BABAM2: variants seen among roughly 807,000 people sequenced by gnomAD.
BABAM2 encodes the protein BRISC and BRCA1-A complex member 2.
BABAM2 carries 31 observed loss-of-function variants against 54.7 expected under a neutral mutation model. That is an observed-to-expected ratio of 0.57 (90% CI 0.43 to 0.77). The LOEUF is 0.77. Ranked by LOEUF, BABAM2 falls within the 30% of genes least tolerant of loss-of-function variation. The pLI, the probability that BABAM2 is intolerant of heterozygous loss-of-function variation, is 0.00. For missense variants in BABAM2, 364 were observed against 455.8 expected, an observed-to-expected ratio of 0.80 and a Z score of 1.83; for synonymous variants, 167 against 162.9, an observed-to-expected ratio of 1.03 and a Z score of -0.19.
At chr2:28,129,237 G>A (rs1362019494) in intron 6 of BABAM2, 34 bp from the exon 7 acceptor site, 2 of 1,554,468 alleles carry the variant, frequency 1.3e-6, no homozygotes, top group South Asian at 2.2e-5. Flanking sequence ...TAGGAGAACA[G>A]GTGCTGATGT....
intron 11 of BABAM2, among the ~76,000 whole-genome samples, chr2:28,324,599 C>T (rs1298517971): frequency 2.7e-5 from 4 of 150,506 alleles, no homozygotes; most frequent in African/African-American, 9.8e-5. Context: ...CATAGTGAGA[C>T]CCGTAACATA....
intron 4 of BABAM2, among the ~76,000 whole-genome samples, chr2:28,021,573 A>G (rs1015906877): frequency 6.6e-6 from 1 of 152,198 alleles, no homozygotes; most frequent in Non-Finnish European, 1.5e-5. Flanking sequence ...CTTCCTTAAC[A>G]CTAATGGGCT....
chr2:28,179,091 C>T (rs77230650), intron 7 of BABAM2, among the ~76,000 whole-genome samples: 1,913 of 152,256 alleles, frequency 0.013, 37 homozygotes, highest in African/African-American at 0.044. Context: ...TCTTCTCAAA[C>T]TATTCCAAGA....
At chr2:27,969,347 G>A (rs1671046343) in intron 3 of BABAM2, among the ~76,000 whole-genome samples, 1 of 152,164 alleles carries the variant, frequency 6.6e-6, no homozygotes, top group Non-Finnish European at 1.5e-5. Flanking sequence ...CACAGTGAGG[G>A]GGTGGGGAAG....
intron 10 of BABAM2, among the ~76,000 whole-genome samples, chr2:28,281,689 T>A (rs1322567000): frequency 6.6e-6 from 1 of 152,234 alleles, no homozygotes; most frequent in Non-Finnish European, 1.5e-5. Context: ...TCTAGTGGCA[T>A]CAGAGCCACT....
At chr2:28,080,207 CT>C (rs1455091959) in intron 6 of BABAM2, among the ~76,000 whole-genome samples, 1 of 152,056 alleles carries the variant, frequency 6.6e-6, no homozygotes, top group Non-Finnish European at 1.5e-5. Context: ...GTAAAGAAAC[CT>C]CTCTGAGCTC....
chr2:28,138,451 A>G lies in BABAM2; in HGVS notation c.680+9071A>G, dbSNP rs150666206. The stretch of plus-strand genomic sequence containing the variant: ...CATAGACTTCACCCTAGAAAAATAT[A>G]TATGCATAAAAAGTTTAAATATAGT... On this transcript the variant is annotated intron_variant, in intron 7 of 11. Coordinates refer to ENST00000379624, the MANE Select transcript of BABAM2 (RefSeq NM_199191.3). Among the ~76,000 whole-genome samples the G allele has an allele frequency of 7.2e-5, 11 of 152,338 alleles. No individual in the cohort carries two copies. The East Asian group carries it at 1.5e-3, about 21-fold the overall frequency.
chr2:27,890,231 G>C (rs372982880), upstream of BABAM2: 59 of 1,608,682 alleles, frequency 3.7e-5, no homozygotes, highest in Non-Finnish European at 4.8e-5. This position sits in a 1 kb window ranked among gnomAD's most constrained non-coding sequence, Gnocchi z 4.8. Flanking sequence ...CCGAGCCGCA[G>C]ACTGAGTAAC....
intron 10 of BABAM2, among the ~76,000 whole-genome samples, chr2:28,285,056 A>G (rs1686677853): frequency 6.6e-6 from 1 of 152,224 alleles, no homozygotes; most frequent in Non-Finnish European, 1.5e-5. Flanking sequence ...AATCAAGCCC[A>G]GATCTGTCAA....
chr2:28,094,061 T>C (rs1423363140), intron 6 of BABAM2, among the ~76,000 whole-genome samples: 2 of 152,156 alleles, frequency 1.3e-5, no homozygotes, highest in Non-Finnish European at 2.9e-5. Context: ...CAGGCCTAGG[T>C]TGGATTATCA....
intron 10 of BABAM2, among the ~76,000 whole-genome samples, chr2:28,249,325 G>A (rs72857105): frequency 6.6e-6 from 1 of 152,040 alleles, no homozygotes; most frequent in Admixed American, 6.6e-5. Flanking sequence ...CTGGCCTCAA[G>A]CAATCTACCC....
intron 7 of BABAM2, among the ~76,000 whole-genome samples, chr2:28,172,916 A>G (rs1186156209): frequency 6.6e-6 from 1 of 152,198 alleles, no homozygotes; most frequent in Non-Finnish European, 1.5e-5. Context: ...AGGCTAAGAA[A>G]TCCAAAATCA....
At chr2:28,091,390 C>T (rs749342060) in intron 6 of BABAM2, among the ~76,000 whole-genome samples, 1 of 152,134 alleles carries the variant, frequency 6.6e-6, no homozygotes, top group Non-Finnish European at 1.5e-5. Flanking sequence ...GGAGAGTAGA[C>T]TATTTTTATT....
chr2:27,990,175 C>CG (rs1672679621), intron 4 of BABAM2, among the ~76,000 whole-genome samples: 1 of 152,104 alleles, frequency 6.6e-6, no homozygotes, highest in Admixed American at 6.6e-5. Context: ...CATGGATCAG[C>CG]GGGCTGAGCA....
intron 2 of BABAM2, among the ~76,000 whole-genome samples, chr2:27,902,708 T>G (rs1418627253): frequency 6.6e-6 from 1 of 152,220 alleles, no homozygotes; most frequent in Non-Finnish European, 1.5e-5. Context: ...TCTATAGATT[T>G]TAAAGCATTC....
intron 7 of BABAM2, among the ~76,000 whole-genome samples, chr2:28,190,047 A>G (rs1358600094): frequency 6.6e-6 from 1 of 152,238 alleles, no homozygotes; most frequent in African/African-American, 2.4e-5. Context: ...TAGAGAAAGG[A>G]TAATCATTTC....
intron 7 of BABAM2, among the ~76,000 whole-genome samples, chr2:28,203,357 A>G (rs1400382656): frequency 2.0e-5 from 3 of 152,188 alleles, no homozygotes; most frequent in Non-Finnish European, 4.4e-5. Context: ...TCAATCATGA[A>G]TTTTTGGAAG....
intron 2 of BABAM2, among the ~76,000 whole-genome samples, chr2:27,917,697 A>G (rs1013246879): frequency 5.9e-5 from 9 of 152,182 alleles, no homozygotes; most frequent in South Asian, 2.1e-4. Context: ...CATTCAGTCT[A>G]TAGCACACCC....
At chr2:28,085,361 A>AT (rs1665546160) in intron 6 of BABAM2, among the ~76,000 whole-genome samples, 1 of 152,232 alleles carries the variant, frequency 6.6e-6, no homozygotes, top group Non-Finnish European at 1.5e-5. Flanking sequence ...TGAATGGTAC[A>AT]TTATAAATGT....
Sources: gnomAD v4.1 joint callset for allele counts (sites outside exome capture counted in the v4.1 genomes callset) on GRCh38, gnomAD v4.1.1 for gene constraint, Gnocchi (gnomAD v3.1) non-coding constraint, MANE v1.5 for transcripts, NCBI Gene and HGNC (gene_info 2026-07-23, HGNC 2026-07-21) for gene names.